Variants in UGT2B15 observed in about 807,000 individuals in gnomAD.
UGT2B15 encodes UDP glucuronosyltransferase family 2 member B15.
A neutral mutation model predicts 45.9 loss-of-function variants in UGT2B15; 36 were observed. The ratio of observed to expected loss-of-function variants is 0.78; its 90% confidence interval spans 0.60 to 1.04. The LOEUF (loss-of-function observed/expected upper bound fraction) is 1.04. UGT2B15 is among the 50% of genes least tolerant of loss of function. The probability of loss-of-function intolerance (pLI) is 0.00; values close to 1 mark genes in which losing one functional copy is unlikely to be tolerated. For synonymous variants in UGT2B15, 219 were observed against 216.4 expected, an observed-to-expected ratio of 1.01 and a Z score of -0.11; for missense variants, 617 against 622.4, an observed-to-expected ratio of 0.99 and a Z score of 0.09.
chr4:68,660,300 T>C (rs1732925934), intron 3 of UGT2B15, among the ~76,000 whole-genome samples: 1 of 150,408 alleles, frequency 6.6e-6, no homozygotes, highest in Non-Finnish European at 1.5e-5. Flanking sequence ...CTGAACTGTG[T>C]TAAGCAAAGA....
intron 5 of UGT2B15, among the ~76,000 whole-genome samples, chr4:68,652,342 C>T (rs1268492148): frequency 2.0e-5 from 3 of 151,988 alleles, no homozygotes; most frequent in Admixed American, 1.3e-4. Context: ...AATTTAACTT[C>T]TTCCCTTCCT....
chr4:68,654,402 CAGA>C (rs1732744279), intron 4 of UGT2B15, 146 bp from the exon 5 acceptor site: 1 of 829,956 alleles, frequency 1.2e-6, no homozygotes, highest in Non-Finnish European at 1.8e-6. Context: ...TTTCAAATTT[CAGA>C]AGAATTGCCA....
chr4:68,667,825 G>C (rs1733184632), intron 2 of UGT2B15, among the ~76,000 whole-genome samples: 1 of 152,084 alleles, frequency 6.6e-6, no homozygotes, highest in South Asian at 2.1e-4. Flanking sequence ...AACCAACCCT[G>C]TTTTCAAAAT....
Position 68,647,285 on chromosome 4 carries a change from T to C in UGT2B15, c.1412A>G (p.His471Arg), listed in dbSNP as rs534822323. 6.2e-7 allele frequency: 1 copy of C among 1,613,930 alleles called. No individual in the cohort carries two copies. The highest frequency in any genetic ancestry group is 8.5e-7 in the Non-Finnish European group (1 of 1,179,882). ...GACTCGAAGGTGCTTGGCTCCTTTG[T>C]GGCGCATGACAAACTCAATCCAGAA... ...AVFWIEFVMR[H>R]KGAKHLRVAA... is the part of the protein sequence containing the mutation. Residue 471 changes from histidine (H) to arginine (R), a missense_variant, in exon 6 of 6, where the codon CAC becomes CGC. By Grantham distance (29) the His-to-Arg change is conservative (BLOSUM62 0). Around this residue, in one of 3 missense-constraint regions of UGT2B15, gnomAD observed 265 missense variants for 245.1 expected, o/e 1.08. Transcript: ENST00000338206.
At chr4:68,651,900 T>C (rs961464288) in intron 5 of UGT2B15, among the ~76,000 whole-genome samples, 1 of 152,116 alleles carries the variant, frequency 6.6e-6, no homozygotes, top group African/African-American at 2.4e-5. Flanking sequence ...TTTTTTCTAA[T>C]TCTGTGAGGA....
intron 1 of UGT2B15, 91 bp downstream of exon 1, chr4:68,669,804 A>G: frequency 6.7e-7 from 1 of 1,482,810 alleles, no homozygotes; most frequent in Non-Finnish European, 9.0e-7. Flanking sequence ...CCTTAAAAAC[A>G]CTATCTTCTG....
In UGT2B15 at chr4:68,670,432, GAGTAGA is replaced by G; in HGVS notation, c.181_186del (p.Ser61_Thr62del). 6.2e-7 allele frequency: 1 copy of G among 1,613,904 alleles called. No homozygotes were observed. The highest frequency in any genetic ancestry group is 2.2e-5 in the East Asian group (1 of 44,874). ...GCAGATGATTTACTGGCATTGACAA[GAGTAGA>G]AGCCGAAGATGTCAACACAGTCACC... On this transcript the variant is annotated inframe_deletion, in exon 1 of 6. Coordinates refer to ENST00000338206, the MANE Select transcript of UGT2B15 (RefSeq NM_001076.4).
Position 68,670,606 on chromosome 4 carries a change from A to G in UGT2B15, c.13T>C (p.Trp5Arg). MSLK[W>R]TSVFLLIQLS... ...TGTATCAGCAGAAAGACTGACGTCC[A>G]TTTCAGAGACATCCTGGTCTTATGC... The change falls in exon 1 of 6, where the codon TGG becomes CGG. Residue 5 changes from tryptophan to arginine, a missense_variant. Around this residue, in one of 3 missense-constraint regions of UGT2B15, gnomAD observed 351 missense variants for 342.1 expected, o/e 1.03. Transcript: ENST00000338206. The G allele has an allele frequency of 6.3e-7, 1 of 1,577,048 alleles. No individual in the cohort carries two copies. The highest frequency in any genetic ancestry group is 8.6e-7 in the Non-Finnish European group (1 of 1,169,266).
chr4:68,646,627 TC>T lies in UGT2B15; in HGVS notation c.*476del, dbSNP rs1344093098. The T allele has an allele frequency of 6.6e-6, 1 of 152,428 alleles. No homozygotes were observed. Among genetic ancestry groups the T allele is most frequent in the Non-Finnish European group, 1.5e-5 (1 of 68,562 alleles). The allele number at this position is 152,428 out of a possible 1,614,324, so 9.4% of individuals were successfully genotyped here. Reference sequence around the variant, plus strand: ...TTTTATATTATTTTTATTTTTCTTTTCTTTTTTTTTTATGGCTTGGATGACA... The same window carrying T: ...TTTTATATTATTTTTATTTTTCTTTTTTTTTTTTTTATGGCTTGGATGACA... On this transcript the variant is annotated 3_prime_UTR_variant, in exon 6 of 6. Transcript: ENST00000338206.
At chr4:68,660,060 C>G (rs551998732) in intron 3 of UGT2B15, among the ~76,000 whole-genome samples, 1 of 149,132 alleles carries the variant, frequency 6.7e-6, no homozygotes, top group South Asian at 2.1e-4. Context: ...AATTTGGAAA[C>G]TATTTGTGAG....
chr4:68,664,349 C>A (rs1206693302), intron 2 of UGT2B15, among the ~76,000 whole-genome samples: 1 of 150,972 alleles, frequency 6.6e-6, no homozygotes, highest in African/African-American at 2.4e-5. Flanking sequence ...ATTGTATACT[C>A]ATCTTTTTGT....
intron 2 of UGT2B15, among the ~76,000 whole-genome samples, chr4:68,664,058 A>G (rs1319362241): frequency 5.3e-5 from 8 of 151,958 alleles, no homozygotes; most frequent in South Asian, 2.1e-4. Context: ...GGGCACTTGA[A>G]CCACAGTGGG....
At chr4:68,656,202 G>T (rs1280672893) in intron 3 of UGT2B15, among the ~76,000 whole-genome samples, 1 of 152,048 alleles carries the variant, frequency 6.6e-6, no homozygotes, top group Non-Finnish European at 1.5e-5. Context: ...TGGAGTTTGA[G>T]CTCGCTCCCA....
At chr4:68,655,009 G>T in intron 4 of UGT2B15, 86 bp downstream of exon 4, 1 of 1,448,846 alleles carries the variant, frequency 6.9e-7, no homozygotes, top group Non-Finnish European at 9.5e-7. Context: ...AATAATAAAT[G>T]CTAAATATGT....
intron 2 of UGT2B15, among the ~76,000 whole-genome samples, chr4:68,663,646 GT>G (rs1733029275): frequency 6.6e-6 from 1 of 152,048 alleles, no homozygotes; most frequent in South Asian, 2.1e-4. Flanking sequence ...GGAAAAGTTA[GT>G]TACAATTGGA....
intron 5 of UGT2B15, among the ~76,000 whole-genome samples, chr4:68,647,679 T>G (rs1162030051): frequency 6.6e-6 from 1 of 152,090 alleles, no homozygotes; most frequent in African/African-American, 2.4e-5. Flanking sequence ...AGTAAGATAG[T>G]GGAAATGGAA....
intron 5 of UGT2B15, among the ~76,000 whole-genome samples, chr4:68,649,167 G>T (rs1732575399): frequency 1.3e-5 from 2 of 150,792 alleles, no homozygotes; most frequent in East Asian, 4.0e-4. Flanking sequence ...TTTATTTCTA[G>T]TATGACTAGA....
chr4:68,654,620 G>T (rs192633071), intron 4 of UGT2B15, among the ~76,000 whole-genome samples: 4 of 151,708 alleles, frequency 2.6e-5, no homozygotes, highest in African/African-American at 4.8e-5. Context: ...GTGGAGGTGG[G>T]GCTGAGGAAG....
chr4:68,665,178 A>G (rs1733083637), intron 2 of UGT2B15, among the ~76,000 whole-genome samples: 1 of 152,174 alleles, frequency 6.6e-6, no homozygotes, highest in African/African-American at 2.4e-5. Context: ...CCATATCTCT[A>G]TCTCAATTTA....
Sources: gnomAD v4.1 joint callset for allele counts (sites outside exome capture counted in the v4.1 genomes callset) on GRCh38, gnomAD v4.1.1 for gene constraint, gnomAD v4.1.1 regional missense constraint, MANE v1.5 for transcripts, NCBI Gene and HGNC (gene_info 2026-07-23, HGNC 2026-07-21) for gene names.